FGFBP2: variants seen among roughly 807,000 people sequenced by gnomAD.
The protein encoded by FGFBP2 is fibroblast growth factor-binding protein 2.
Under a neutral mutation model 7.3 loss-of-function variants are expected in FGFBP2, and 7 were observed. That is an observed-to-expected ratio of 0.96 (90% confidence interval 0.55 to 1.81). The LOEUF (loss-of-function observed/expected upper bound fraction) is 1.81, where lower values mean the gene tolerates loss of function less well. FGFBP2 is among the 40% of genes most tolerant of loss of function. The pLI is 0.00. For missense variants in FGFBP2, 291 were observed against 280.1 expected (o/e 1.04, Z -0.28); for synonymous variants, 131 against 110.2 (o/e 1.19, Z -1.18).
At position 15,960,466 on chromosome 4, in the gene FGFBP2, T is replaced by G. The variant is rs1713059554; in HGVS notation, c.*166A>C. 1.3e-5 allele frequency: 2 copies of G among 152,188 alleles called. No individual in the cohort carries two copies. The highest frequency in any genetic ancestry group is 1.3e-4 in the Admixed American group (2 of 15,280). The allele number at this position is 152,188 out of a possible 1,614,324, so 9.4% of individuals were successfully genotyped here. The stretch of plus-strand genomic sequence containing the variant: ...CTCTGCAAACTCCAGAAAGGAAGGT[T>G]TCTTTTCCAAACTTCAGAGAAGCTG... On this transcript the variant is annotated 3_prime_UTR_variant, in exon 2 of 2. Transcript: ENST00000259989.
intron 1 of FGFBP2, 36 bp downstream of exon 1, chr4:15,962,402 G>A (rs1462322842): frequency 5.4e-5 from 79 of 1,467,920 alleles, no homozygotes; most frequent in Admixed American, 9.7e-5. Context: ...GTATATACAC[G>A]TAGTCTCTGT....
Position 15,962,907 on chromosome 4 carries a change from T to G in FGFBP2, c.223A>C (p.Arg75=), listed in dbSNP as rs1266248152. Residue 75 remains arginine (R), a synonymous_variant, in exon 1 of 2, where the codon AGG becomes CGG. Coordinates refer to ENST00000259989, the MANE Select transcript of FGFBP2 (RefSeq NM_031950.4). ...NTDQTYWCEY[R]GQPSMCQAFA... The stretch of plus-strand genomic sequence containing the variant: ...GCCTGGCACATGCTGGGCTGCCCCC[T>G]GTACTCACACCAGTAGGTCTGGTCT... The G allele has an allele frequency of 6.3e-7, 1 of 1,582,636 alleles. No individual in the cohort carries two copies. Among genetic ancestry groups the G allele is most frequent in the Non-Finnish European group, 8.6e-7 (1 of 1,164,526 alleles).
In FGFBP2 at chr4:15,962,684, G is replaced by A. The variant is rs768668429; in HGVS notation, c.446C>T (p.Ser149Phe). ...PNQQPEAGTPSLRPKATVKLT... is the reference protein window; with the variant it reads ...PNQQPEAGTPFLRPKATVKLT... The stretch of plus-strand genomic sequence containing the variant: ...TTTCACTGTGGCCTTGGGCCTCAGA[G>A]ATGGCGTCCCAGCCTCAGGCTGCTG... The change falls in exon 1 of 2, where the codon TCT becomes TTT. Residue 149 changes from serine (S) to phenylalanine (F), a missense_variant. Physicochemically the swap from Ser to Phe is radical, Grantham distance 155. Transcript: ENST00000259989. 1.2e-6 allele frequency: 2 copies of A among 1,614,160 alleles called. No individual in the cohort carries two copies. Among genetic ancestry groups the A allele is most frequent in the Non-Finnish European group, 1.7e-6 (2 of 1,180,038 alleles).
At position 15,962,723 on chromosome 4, in the gene FGFBP2, C is replaced by G. The variant is rs1713120668; in HGVS notation, c.407G>C (p.Ser136Thr). 1.2e-6 allele frequency: 2 copies of G among 1,613,672 alleles called. No homozygotes were observed. Among genetic ancestry groups the G allele is most frequent in the Non-Finnish European group, 1.7e-6 (2 of 1,179,962 alleles). ...MQQVTSSLKG[S>T]PEPNQQPEAG... ...CTCAGGCTGCTGGTTGGGCTCTGGG[C>G]TGCCCTTGAGGCTGGAAGTCACCTG... The change falls in exon 1 of 2, where the codon AGC becomes ACC. Residue 136 changes from serine (S) to threonine (T), a missense_variant. Coordinates refer to ENST00000259989, the MANE Select transcript of FGFBP2 (RefSeq NM_031950.4).
At position 15,963,174 on chromosome 4, in the gene FGFBP2, A is replaced by G. The variant is rs756904423; in HGVS notation, c.-45T>C. On this transcript the variant is annotated 5_prime_UTR_variant, in exon 1 of 2. Coordinates refer to ENST00000259989, the MANE Select transcript of FGFBP2 (RefSeq NM_031950.4). ...TGCTTGCAACTCTGCACCAGGAGAG[A>G]GAACACAAGTGGGACGAGTCACCCT... 13 of 1,536,282 alleles carry G rather than the reference A, an allele frequency of 8.5e-6. No individual in the cohort carries two copies. The highest frequency in any genetic ancestry group is 1.4e-5 in the African/African-American group (1 of 72,448).
intron 1 of FGFBP2, among the ~76,000 whole-genome samples, chr4:15,960,901 A>G (rs921233366): frequency 1.3e-5 from 2 of 152,236 alleles, no homozygotes; most frequent in African/African-American, 4.8e-5. Context: ...GAAGGCTGCC[A>G]TCTATGAGTC....
intron 1 of FGFBP2, among the ~76,000 whole-genome samples, chr4:15,961,712 C>T (rs1029714165): frequency 6.6e-6 from 1 of 152,134 alleles, no homozygotes; most frequent in African/African-American, 2.4e-5. Flanking sequence ...GGATAGAGAT[C>T]AGTAATAAGC....
intron 1 of FGFBP2, among the ~76,000 whole-genome samples, chr4:15,961,607 C>A (rs954369191): frequency 6.6e-6 from 1 of 152,176 alleles, no homozygotes; most frequent in Non-Finnish European, 1.5e-5. Flanking sequence ...CTCAGAAACT[C>A]TCCTTTTAAA....
chr4:15,962,552 C>G lies in FGFBP2; in HGVS notation c.578G>C (p.Gly193Ala). The change falls in exon 1 of 2, where the codon GGA (glycine) becomes GCA (alanine). Residue 193 changes from glycine (G) to alanine (A), a missense_variant. By Grantham distance (60) the Gly-to-Ala change is moderately conservative (BLOSUM62 0). Transcript: ENST00000259989. ...CTTCTTCTTTGCTTCCTCATTCCCT[C>G]CGGGCCTGGGTCCAGGCTGGGTAGG... ...AKPTQPGPRPGGNEEAKKKAW... is the reference protein window; with the variant it reads ...AKPTQPGPRPAGNEEAKKKAW... 6.2e-7 allele frequency: 1 copy of G among 1,613,866 alleles called. No individual in the cohort carries two copies. Among genetic ancestry groups the G allele is most frequent in the Non-Finnish European group, 8.5e-7 (1 of 1,179,790 alleles).
At chr4:15,961,671 G>A (rs73228502) in intron 1 of FGFBP2, among the ~76,000 whole-genome samples, 5,234 of 152,290 alleles carry the variant, frequency 0.034, 138 homozygotes, top group Middle Eastern at 0.082. Context: ...CCTTACTGGT[G>A]TGCAAAATTA....
rs780189482 is a variant in FGFBP2 at position 15,963,030 on chromosome 4, G to A, written c.100C>T (p.His34Tyr). The A allele has an allele frequency of 8.7e-6, 14 of 1,614,026 alleles. No individual in the cohort carries two copies. Among genetic ancestry groups the A allele is most frequent in the African/African-American group, 1.3e-5 (1 of 74,932 alleles). Residue 34 changes from histidine (H) to tyrosine (Y), a missense_variant, in exon 1 of 2, where the codon CAT becomes TAT. By Grantham distance (83) the His-to-Tyr change is moderately conservative (BLOSUM62 2). Transcript: ENST00000259989. ...QKQGSTGEEF[H>Y]FQTGGRDSCT... ...GAATCTCTCCCTCCAGTCTGGAAAT[G>A]GAATTCCTCCCCAGTGCTTCCTTGC...
rs1350466895 is a variant in FGFBP2, at chr4:15,962,496, C to T, written c.634G>A (p.Ala212Thr). Residue 212 changes from alanine (A) to threonine (T), a missense_variant, in exon 1 of 2, where the codon GCC becomes ACC. Ala to Thr is a moderately conservative substitution (Grantham distance 58). Coordinates refer to ENST00000259989, the MANE Select transcript of FGFBP2 (RefSeq NM_031950.4). ...AWEHCWKPFQALCAFLISFFR... is the reference protein window; with the variant it reads ...AWEHCWKPFQTLCAFLISFFR... ...AAGCTGATGAGAAAGGCGCACAGGG[C>T]CTGGAAGGGTTTCCAACAATGTTCC... The T allele has an allele frequency of 2.5e-6, 4 of 1,594,226 alleles. No individual in the cohort carries two copies. In the South Asian group the frequency reaches 3.4e-5, roughly 14 times the overall value.
chr4:15,962,413 A>G, intron 1 of FGFBP2, 25 bp downstream of exon 1: 1 of 1,506,626 alleles, frequency 6.6e-7, no homozygotes, highest in Non-Finnish European at 8.9e-7. Flanking sequence ...TAGTCTCTGT[A>G]TATGAGTAAA....
rs772903611 is a variant in FGFBP2 at position 15,962,864 on chromosome 4, T to G, written c.266A>C (p.Lys89Thr). Residue 89 changes from lysine (K) to threonine (T), a missense_variant, in exon 1 of 2, where the codon AAA becomes ACA. Coordinates refer to ENST00000259989, the MANE Select transcript of FGFBP2 (RefSeq NM_031950.4). ...SMCQAFAADP[K>T]PYWNQALQEL... is the part of the protein sequence containing the mutation. ...CTGCAGGGCTTGATTCCAGTAAGGTTTGGGGTCAGCAGCGAAAGCCTGGCA... is the reference window on the plus strand; with the variant it reads ...CTGCAGGGCTTGATTCCAGTAAGGTGTGGGGTCAGCAGCGAAAGCCTGGCA... The G allele has an allele frequency of 1.7e-5, 26 of 1,559,076 alleles. No individual in the cohort carries two copies. In the East Asian group the frequency reaches 5.9e-4, roughly 35 times the overall value.
In FGFBP2 at chr4:15,960,536, C is replaced by T. The variant is rs1200220148; in HGVS notation, c.*96G>A. 1 of 150,682 alleles carries T rather than the reference C, an allele frequency of 6.6e-6. No homozygotes were observed. The highest frequency in any genetic ancestry group is 2.4e-5 in the African/African-American group (1 of 40,862). The allele number at this position is 150,682 out of a possible 1,614,324, so 9.3% of individuals were successfully genotyped here. A position where few individuals can be genotyped will look rare whatever the true frequency, so the allele number is the denominator to read the frequency against. On this transcript the variant is annotated 3_prime_UTR_variant, in exon 2 of 2. Transcript: ENST00000259989. ...GTTGCATCTGATTAGAAACTCTCTT[C>T]TTCCAGTGTGAGAACGTTGGATTGA...
At position 15,960,428 on chromosome 4, in the gene FGFBP2, T is replaced by A. The variant is rs143322307; in HGVS notation, c.*204A>T. 3 of 152,266 alleles carry A rather than the reference T, an allele frequency of 2.0e-5. No individual in the cohort carries two copies. Among genetic ancestry groups the A allele is most frequent in the African/African-American group, 7.2e-5 (3 of 41,560 alleles). The allele number at this position is 152,266 out of a possible 1,614,324, so 9.4% of individuals were successfully genotyped here. On this transcript the variant is annotated 3_prime_UTR_variant, in exon 2 of 2. Transcript: ENST00000259989. ...TGGGCCCATCAGCACCTGTTCCCTA[T>A]CATATTGCTGAACTCTGCAAACTCC...
At position 15,963,138 on chromosome 4, in the gene FGFBP2, T is replaced by C. The variant is rs771464765; in HGVS notation, c.-9A>G. 1 of 1,575,910 alleles carries C rather than the reference T, an allele frequency of 6.3e-7. No homozygotes were observed. ...CAGGGGACGAACTTCATGGCGATAC[T>C]CCGATAAACTTGCTTGCAACTCTGC... On this transcript the variant is annotated 5_prime_UTR_variant, in exon 1 of 2. Transcript: ENST00000259989.
At chr4:15,962,170 G>T (rs559704212) in intron 1 of FGFBP2, among the ~76,000 whole-genome samples, 3 of 152,188 alleles carry the variant, frequency 2.0e-5, no homozygotes, top group African/African-American at 7.2e-5. Context: ...AGACATAGAT[G>T]GAACGGTCTG....
chr4:15,961,325 G>GA (rs902633047), intron 1 of FGFBP2, among the ~76,000 whole-genome samples: 15 of 146,314 alleles, frequency 1.0e-4, no homozygotes, highest in East Asian at 4.0e-4. Context: ...ACTTTAAAAA[G>GA]AAAAAAAAAA....
Sources: allele counts gnomAD v4.1 joint callset (sites outside exome capture counted in the v4.1 genomes callset), GRCh38; gene constraint gnomAD v4.1.1; transcripts MANE v1.5; gene names NCBI Gene and HGNC (gene_info 2026-07-23, HGNC 2026-07-21).